Variants in RAPGEF5 observed in about 807,000 individuals in gnomAD.
RAPGEF5 encodes M-Ras-regulated GEF.
In RAPGEF5, 65 loss-of-function variants were observed where a neutral mutation model predicts 125.2. The ratio of observed to expected loss-of-function variants is 0.52; its 90% CI spans 0.43 to 0.64. The LOEUF is 0.64. Among genes scored for constraint, RAPGEF5 ranks in the 30% least tolerant of loss-of-function variants. The pLI, the probability that RAPGEF5 is intolerant of heterozygous loss-of-function variation, is 0.00. For missense variants in RAPGEF5, 958 were observed against 1,048.1 expected, an observed-to-expected ratio of 0.91 and a Z score of 1.19; for synonymous variants, 391 against 385.9, an observed-to-expected ratio of 1.01 and a Z score of -0.16.
intron 13 of RAPGEF5, among the ~76,000 whole-genome samples, chr7:22,161,328 C>T (rs1783988640): frequency 6.6e-6 from 1 of 152,102 alleles, no homozygotes; most frequent in African/African-American, 2.4e-5. Flanking sequence ...ACTGCTTGAG[C>T]TGAGTACGAG....
chr7:22,258,681 G>C (rs1181601877), intron 7 of RAPGEF5, among the ~76,000 whole-genome samples: 1 of 130,010 alleles, frequency 7.7e-6, no homozygotes, highest in Non-Finnish European at 1.7e-5. Context: ...GAACAGAATA[G>C]AGAGCCCATA....
At chr7:22,307,275 T>A (rs1051624292) in intron 5 of RAPGEF5, among the ~76,000 whole-genome samples, 4 of 152,324 alleles carry the variant, frequency 2.6e-5, no homozygotes, top group Admixed American at 2.0e-4. Context: ...ACTTCTCTGG[T>A]TAGTTCCTAG....
intron 6 of RAPGEF5, 54 bp downstream of exon 6, chr7:22,291,121 G>C (rs1782925552): frequency 2.0e-6 from 3 of 1,509,164 alleles, no homozygotes; most frequent in African/African-American, 1.4e-5. Flanking sequence ...TCCCTTCTAG[G>C]ACCCCAGCTT....
chr7:22,333,262 A>C (rs1783957076), intron 1 of RAPGEF5, among the ~76,000 whole-genome samples: 2 of 152,104 alleles, frequency 1.3e-5, no homozygotes, highest in Non-Finnish European at 2.9e-5. Context: ...ATATACCCAG[A>C]TACAGTGGGG....
chr7:22,150,529 A>C (rs1562719876), intron 17 of RAPGEF5, 25 bp from the exon 18 acceptor site: 1 of 1,580,414 alleles, frequency 6.3e-7, no homozygotes, highest in East Asian at 2.3e-5. Context: ...AAAAAAAAAA[A>C]AAGGAATAAT....
intron 1 of RAPGEF5, 59 bp downstream of exon 1, chr7:22,356,771 G>T: frequency 1.0e-6 from 1 of 972,680 alleles, no homozygotes; most frequent in Non-Finnish European, 1.3e-6. Flanking sequence ...CCCGGGGGGT[G>T]GGCGCGGGCT....
At chr7:22,219,390 C>G (rs1785722480) in intron 9 of RAPGEF5, among the ~76,000 whole-genome samples, 2 of 151,340 alleles carry the variant, frequency 1.3e-5, no homozygotes, top group Non-Finnish European at 2.9e-5. Flanking sequence ...TCTGACCCTC[C>G]CACTTGGTGA....
chr7:22,321,632 A>C (rs1324095240), intron 1 of RAPGEF5, among the ~76,000 whole-genome samples: 1 of 152,204 alleles, frequency 6.6e-6, no homozygotes, highest in Non-Finnish European at 1.5e-5. Context: ...AGAACTACCA[A>C]ATTTATTGAT....
intron 7 of RAPGEF5, among the ~76,000 whole-genome samples, chr7:22,250,876 T>C (rs1351224717): frequency 6.6e-6 from 1 of 152,176 alleles, no homozygotes; most frequent in Non-Finnish European, 1.5e-5. Flanking sequence ...AGCCTACCTC[T>C]GCATTTTATA....
chr7:22,241,764 C>T (rs1000233519), intron 7 of RAPGEF5, among the ~76,000 whole-genome samples: 1 of 152,104 alleles, frequency 6.6e-6, no homozygotes, highest in African/African-American at 2.4e-5. Context: ...TCGTCAGACC[C>T]ACCTGCCACT....
intron 9 of RAPGEF5, among the ~76,000 whole-genome samples, chr7:22,204,404 C>T (rs1785350423): frequency 6.6e-6 from 1 of 152,160 alleles, no homozygotes; most frequent in African/African-American, 2.4e-5. Flanking sequence ...CCCAAATTTC[C>T]TGTGCGTGTG....
chr7:22,131,259 A>G (rs1314241845), intron 23 of RAPGEF5, among the ~76,000 whole-genome samples, 158 bp from the exon 24 acceptor site: 1 of 152,180 alleles, frequency 6.6e-6, no homozygotes, highest in East Asian at 1.9e-4. Flanking sequence ...TTTATGTGTT[A>G]TTTGATGTAA....
At position 22,121,556 on chromosome 7, in the gene RAPGEF5, T is replaced by G. The variant is rs1301262869; in HGVS notation, c.*850A>C. Reference sequence around the variant, plus strand: ...ACCTCAGCAAGCAGTTGGTGAGTGTTTGCAATGTGTCAGGCACTGTGCTTT... The same window carrying G: ...ACCTCAGCAAGCAGTTGGTGAGTGTGTGCAATGTGTCAGGCACTGTGCTTT... On this transcript the variant is annotated 3_prime_UTR_variant, in exon 26 of 26. Transcript: ENST00000665637. 1.3e-5 allele frequency: 2 copies of G among 152,178 alleles called. No homozygotes were observed. Among genetic ancestry groups the G allele is most frequent in the African/African-American group, 4.8e-5 (2 of 41,454 alleles). 9.4% of individuals were successfully genotyped at this position (152,178 alleles called of 1,614,324 possible).
intron 23 of RAPGEF5, among the ~76,000 whole-genome samples, chr7:22,132,450 A>G (rs1244586864): frequency 1.3e-5 from 2 of 151,998 alleles, no homozygotes; most frequent in Non-Finnish European, 2.9e-5. Flanking sequence ...CAGTCTCCTG[A>G]CAAACTCTCT....
intron 7 of RAPGEF5, among the ~76,000 whole-genome samples, chr7:22,258,914 G>C (rs887608709): frequency 2.0e-5 from 3 of 152,104 alleles, no homozygotes; most frequent in Non-Finnish European, 4.4e-5. Context: ...AAAACTCCTA[G>C]ACTATAACAT....
At chr7:22,279,713 A>G (rs1321096598) in intron 6 of RAPGEF5, among the ~76,000 whole-genome samples, 1 of 152,194 alleles carries the variant, frequency 6.6e-6, no homozygotes, top group African/African-American at 2.4e-5. Flanking sequence ...ATCAACAAAG[A>G]CCATTTATTT....
intron 1 of RAPGEF5, among the ~76,000 whole-genome samples, chr7:22,341,559 T>C (rs1022792538): frequency 7.2e-5 from 11 of 152,238 alleles, no homozygotes; most frequent in Non-Finnish European, 1.2e-4. Context: ...CTTCTGCCTA[T>C]GAGCCTGTAA....
chr7:22,333,861 G>A (rs1215011663), intron 1 of RAPGEF5, among the ~76,000 whole-genome samples: 1 of 148,952 alleles, frequency 6.7e-6, no homozygotes, highest in East Asian at 2.0e-4. Context: ...AACCAGAGCT[G>A]TCTGTCTTGC....
chr7:22,318,950 C>T (rs1783659248), intron 1 of RAPGEF5, among the ~76,000 whole-genome samples: 1 of 152,156 alleles, frequency 6.6e-6, no homozygotes. Flanking sequence ...TTCATGGCAT[C>T]CAGCACACAA....
Sources: allele counts gnomAD v4.1 joint callset (sites outside exome capture counted in the v4.1 genomes callset), GRCh38; gene constraint gnomAD v4.1.1; transcripts MANE v1.5; gene names NCBI Gene and HGNC (gene_info 2026-07-23, HGNC 2026-07-21).